ACACA: variants seen among roughly 807,000 people sequenced by gnomAD.
The protein encoded by ACACA is acetyl-CoA carboxylase alpha.
A neutral mutation model predicts 296.1 loss-of-function variants in ACACA; 103 were observed. That is an observed-to-expected ratio of 0.35 (90% confidence interval 0.30 to 0.41). The LOEUF (loss-of-function observed/expected upper bound fraction) is 0.41, where lower values mean the gene tolerates loss of function less well. ACACA is among the 10% of genes least tolerant of loss of function. The pLI, the probability that ACACA is intolerant of heterozygous loss-of-function variation, is 1.00. For missense variants in ACACA, 1,554 were observed against 2,989.7 expected, an observed-to-expected ratio of 0.52 and a Z score of 11.20; for synonymous variants, 953 against 1,038.6, an observed-to-expected ratio of 0.92 and a Z score of 1.58.
intron 50 of ACACA, among the ~76,000 whole-genome samples, chr17:37,118,424 T>G (rs2074362046): frequency 6.6e-6 from 1 of 152,246 alleles, no homozygotes. Flanking sequence ...ATTATGTATA[T>G]TTTACCACAA....
chr17:37,116,570 T>A (rs898225901), intron 50 of ACACA, among the ~76,000 whole-genome samples: 2 of 152,166 alleles, frequency 1.3e-5, no homozygotes, highest in African/African-American at 4.8e-5. Flanking sequence ...AAAGCTGACA[T>A]GTTTGGGACT....
chr17:37,140,174 G>T (rs2075505671), intron 45 of ACACA, among the ~76,000 whole-genome samples: 1 of 152,080 alleles, frequency 6.6e-6, no homozygotes, highest in Non-Finnish European at 1.5e-5. Flanking sequence ...ACAATTGTGT[G>T]GTTGAACTTT....
chr17:37,143,046 A>G (rs940152765), intron 45 of ACACA, among the ~76,000 whole-genome samples: 1 of 152,118 alleles, frequency 6.6e-6, no homozygotes, highest in African/African-American at 2.4e-5. Context: ...TCTCACAGCG[A>G]CTCTGGTACA....
intron 37 of ACACA, 97 bp from the exon 38 acceptor site, chr17:37,191,372 A>G: frequency 8.4e-7 from 1 of 1,193,928 alleles, no homozygotes; most frequent in Non-Finnish European, 1.2e-6. Flanking sequence ...ATCATGAATC[A>G]TAAGGCACTT....
intron 1 of ACACA, among the ~76,000 whole-genome samples, chr17:37,370,721 C>G (rs2049773338): frequency 6.6e-6 from 1 of 151,274 alleles, no homozygotes; most frequent in African/African-American, 2.4e-5. Context: ...GGTGACTCAT[C>G]CCTGTAATCC....
intron 54 of ACACA, among the ~76,000 whole-genome samples, chr17:37,089,749 C>G (rs2072483138): frequency 6.6e-6 from 1 of 152,186 alleles, no homozygotes; most frequent in South Asian, 2.1e-4. Flanking sequence ...CACCTCTCAC[C>G]TCCTTTTCAA....
intron 1 of ACACA, chr17:37,391,832 C>T (rs934795983): frequency 5.1e-6 from 5 of 985,062 alleles, no homozygotes; most frequent in Non-Finnish European, 8.0e-6. Flanking sequence ...AGGGACATTA[C>T]AATCAAACAC....
intron 35 of ACACA, among the ~76,000 whole-genome samples, chr17:37,198,824 G>A (rs115543964): frequency 5.5e-4 from 83 of 152,236 alleles, no homozygotes; most frequent in African/African-American, 1.9e-3. Context: ...TAAACAAAAA[G>A]GTAATAAAAG....
chr17:37,238,236 T>C (rs958678116), intron 24 of ACACA, among the ~76,000 whole-genome samples: 3 of 152,020 alleles, frequency 2.0e-5, no homozygotes, highest in Non-Finnish European at 2.9e-5. Flanking sequence ...TTATCGGGAA[T>C]TGATTTTTGT....
chr17:37,137,569 T>A (rs1201450498), intron 45 of ACACA, among the ~76,000 whole-genome samples: 1 of 152,214 alleles, frequency 6.6e-6, no homozygotes, highest in African/African-American at 2.4e-5. Flanking sequence ...TTTCTATGTA[T>A]TCTATAAAAC....
chr17:37,349,642 C>T (rs1455474700), intron 1 of ACACA, among the ~76,000 whole-genome samples: 5 of 150,630 alleles, frequency 3.3e-5, no homozygotes, highest in Admixed American at 6.7e-5. Context: ...CTGCAACCTC[C>T]GCCTCCCAGG....
At chr17:37,210,519 T>C (rs372694522) in intron 29 of ACACA, 29 bp from the exon 30 acceptor site, 2 of 1,604,668 alleles carry the variant, frequency 1.2e-6, no homozygotes, top group African/African-American at 1.3e-5. Context: ...AGTTAGTTAC[T>C]GATAAGTTAG....
rs2072190584 is a variant in ACACA at position 37,086,281 on chromosome 17, T to A, written c.*1035A>T. 6.5e-6 allele frequency: 1 copy of A among 153,754 alleles called. No individual in the cohort carries two copies. The allele number at this position is 153,754 out of a possible 1,614,324, so 9.5% of individuals were successfully genotyped here. A position where few individuals can be genotyped will look rare whatever the true frequency, so the allele number is the denominator to read the frequency against. ...CCGTTAGCTGCTAGGACAGTAATCCTGGAACTAGGGAAGAGTGAGTGTGGA... is the reference window on the plus strand; with the variant it reads ...CCGTTAGCTGCTAGGACAGTAATCCAGGAACTAGGGAAGAGTGAGTGTGGA... On this transcript the variant is annotated 3_prime_UTR_variant, in exon 56 of 56. Coordinates refer to ENST00000616317, the MANE Select transcript of ACACA (RefSeq NM_198834.3).
chr17:37,352,121 T>C (rs1345704885), intron 1 of ACACA, among the ~76,000 whole-genome samples: 1 of 151,638 alleles, frequency 6.6e-6, no homozygotes, highest in East Asian at 1.9e-4. Flanking sequence ...GGCTTCACCA[T>C]GTTACCCAGG....
chr17:37,177,340 G>C (rs1478755051), intron 41 of ACACA, among the ~76,000 whole-genome samples: 8 of 151,348 alleles, frequency 5.3e-5, no homozygotes, highest in African/African-American at 1.5e-4. Context: ...AAGACTATTT[G>C]TATTCATACT....
intron 10 of ACACA, among the ~76,000 whole-genome samples, chr17:37,268,546 T>A (rs1392883316): frequency 6.6e-6 from 1 of 152,038 alleles, no homozygotes; most frequent in Non-Finnish European, 1.5e-5. Context: ...GTTGAAAACT[T>A]ATCAGCCTTT....
intron 11 of ACACA, among the ~76,000 whole-genome samples, chr17:37,260,307 TTTTTTTTTTG>T (rs1486141291): frequency 1.3e-4 from 14 of 104,338 alleles, no homozygotes; most frequent in African/African-American, 4.3e-4. Flanking sequence ...TTTTTTTTTT[TTTTTTTTTTG>T]GAGATGGAGT....
chr17:37,257,034 A>G (rs1488271297), intron 14 of ACACA, among the ~76,000 whole-genome samples: 6 of 152,142 alleles, frequency 3.9e-5, no homozygotes, highest in Non-Finnish European at 8.8e-5. Flanking sequence ...CTTCAGCCCT[A>G]TGTTTTAGGC....
At chr17:37,266,368 C>T (rs186537370) in intron 10 of ACACA, among the ~76,000 whole-genome samples, 56 of 150,900 alleles carry the variant, frequency 3.7e-4, no homozygotes, top group Admixed American at 1.1e-3. Flanking sequence ...GAGCCGAGAT[C>T]GCGCCACTGC....
Sources: allele counts gnomAD v4.1 joint callset (sites outside exome capture counted in the v4.1 genomes callset), GRCh38; gene constraint gnomAD v4.1.1; transcripts MANE v1.5; gene names NCBI Gene and HGNC (gene_info 2026-07-23, HGNC 2026-07-21).